The following TENM3 variants were observed in gnomAD, a reference collection of about 807,000 sequenced individuals.
TENM3 encodes teneurin transmembrane protein 3, also known as teneurin-3.
Under a neutral mutation model 255.1 loss-of-function variants are expected in TENM3, and 63 were observed. That is an observed-to-expected ratio of 0.25 (90% CI 0.20 to 0.30). The LOEUF (loss-of-function observed/expected upper bound fraction) is 0.30, where lower values mean the gene tolerates loss of function less well. Ranked by LOEUF, TENM3 falls within the 10% of genes least tolerant of loss-of-function variation. The pLI is 1.00. For missense variants in TENM3, 2,929 were observed against 3,461.1 expected, an observed-to-expected ratio of 0.85 and a Z score of 3.86; for synonymous variants, 1,306 against 1,322.3, an observed-to-expected ratio of 0.99 and a Z score of 0.27.
At chr4:181,634,476 G>A in the TENM3 span, among the ~76,000 whole-genome samples, 3 of 146,812 alleles carry the variant, frequency 2.0e-5, no homozygotes, top group East Asian at 2.0e-4. Context: ...TTTTCACACA[G>A]CATACCTTGC....
intron 1 of TENM3, among the ~76,000 whole-genome samples, chr4:182,210,342 CCCCAA>C (rs1754927734): frequency 6.6e-6 from 1 of 152,078 alleles, no homozygotes; most frequent in South Asian, 2.1e-4. Context: ...CTTCTTTTCC[CCCCAA>C]CCCATTTTAC....
At chr4:181,495,239 T>C in the TENM3 span, among the ~76,000 whole-genome samples, 107 of 152,088 alleles carry the variant, frequency 7.0e-4, no homozygotes, top group African/African-American at 2.2e-3. Context: ...ATTCCAGGAG[T>C]AAGTTAAGTC....
At chr4:182,436,811 A>C (rs530480814) in intron 3 of TENM3, among the ~76,000 whole-genome samples, 1 of 151,966 alleles carries the variant, frequency 6.6e-6, no homozygotes, top group Non-Finnish European at 1.5e-5. Flanking sequence ...TGAGGTCAGG[A>C]GTTCGAGACC....
At chr4:181,901,652 C>CA in the TENM3 span, among the ~76,000 whole-genome samples, 4 of 152,144 alleles carry the variant, frequency 2.6e-5, no homozygotes, top group African/African-American at 9.7e-5. Context: ...GCCCCTAACA[C>CA]ACCCCTCACA....
the TENM3 span, among the ~76,000 whole-genome samples, chr4:181,469,490 T>G: frequency 6.6e-6 from 1 of 152,174 alleles, no homozygotes; most frequent in Non-Finnish European, 1.5e-5. Context: ...CTTATTAACA[T>G]TTTATTTTAG....
At chr4:182,172,612 C>A (rs191156750) in intron 1 of TENM3, among the ~76,000 whole-genome samples, 1 of 152,164 alleles carries the variant, frequency 6.6e-6, no homozygotes, top group Admixed American at 6.5e-5. Flanking sequence ...ATTATTTTGG[C>A]CACTGGCAAT....
At chr4:182,501,929 G>T (rs1218506534) in intron 3 of TENM3, among the ~76,000 whole-genome samples, 2 of 152,192 alleles carry the variant, frequency 1.3e-5, no homozygotes, top group East Asian at 1.9e-4. Context: ...TCTAAGGGAA[G>T]TAAATTTTCT....
intron 26 of TENM3, among the ~76,000 whole-genome samples, chr4:182,795,783 G>A (rs758598978): frequency 3.9e-5 from 6 of 152,192 alleles, no homozygotes; most frequent in African/African-American, 7.2e-5. Context: ...CATCAAAAGA[G>A]AGATGGAACA....
Position 182,752,073 on chromosome 4 carries a change from T to TAA in TENM3, c.3862+55_3862+56dup, listed in dbSNP as rs5864797. ...GATTTGAGGATTTCTTTTTATTTAT[T>TAA]AAAAAAAAAAAAAAAGGGGTTGAAA... On this transcript the variant is annotated intron_variant, in intron 20 of 27. Coordinates refer to ENST00000511685, the MANE Select transcript of TENM3 (RefSeq NM_001080477.4). 0.078 allele frequency: 70,871 copies of TAA among 910,234 alleles called. 362 individuals carry two copies. The highest frequency in any genetic ancestry group is 0.11 in the Admixed American group (3,245 of 29,942). 56.4% of individuals were successfully genotyped at this position (910,234 alleles called of 1,614,324 possible).
intron 3 of TENM3, among the ~76,000 whole-genome samples, chr4:182,576,711 A>T (rs912296093): frequency 9.9e-5 from 15 of 152,088 alleles, no homozygotes; most frequent in African/African-American, 3.1e-4. Context: ...TCGTTTATAC[A>T]CTCAATACAA....
the TENM3 span, among the ~76,000 whole-genome samples, chr4:181,742,988 C>T: frequency 6.6e-6 from 1 of 151,520 alleles, no homozygotes; most frequent in African/African-American, 2.4e-5. Flanking sequence ...CATCCATGTC[C>T]CTACAAAGAA....
chr4:182,379,531 G>A (rs768320998), intron 3 of TENM3, among the ~76,000 whole-genome samples: 3 of 152,142 alleles, frequency 2.0e-5, no homozygotes, highest in African/African-American at 4.8e-5. Context: ...TTTCATGCTC[G>A]TCTGAGACAT....
At chr4:181,590,940 T>C in the TENM3 span, among the ~76,000 whole-genome samples, 1 of 152,218 alleles carries the variant, frequency 6.6e-6, no homozygotes, top group Non-Finnish European at 1.5e-5. Context: ...CATGCTATGA[T>C]GTCTAAAACA....
the TENM3 span, among the ~76,000 whole-genome samples, chr4:181,918,528 G>A: frequency 3.9e-5 from 6 of 152,092 alleles, no homozygotes; most frequent in African/African-American, 1.4e-4. Flanking sequence ...ACTACAATAA[G>A]TTTAAAAGTC....
At chr4:181,551,335 T>A in the TENM3 span, among the ~76,000 whole-genome samples, 1 of 152,184 alleles carries the variant, frequency 6.6e-6, no homozygotes, top group South Asian at 2.1e-4. Flanking sequence ...AGGTCTTACT[T>A]GAAATAAATG....
At position 182,274,043 on chromosome 4, in the gene TENM3, A is replaced by G. The variant is rs147777963; in HGVS notation, c.-76+30567A>G. On this transcript the variant is annotated intron_variant, in intron 1 of 27. Transcript: ENST00000511685. ...GAGAAAGAATCAGCAACAATGTGAA[A>G]GAAACATATAGGGACAGTCTTGCTG... 3.7e-3 allele frequency among the ~76,000 whole-genome samples: 562 copies of G among 152,338 alleles called. 4 individuals are homozygous for G. Among genetic ancestry groups the G allele is most frequent in the South Asian group, 0.02 (97 of 4,826 alleles).
chr4:181,798,412 G>A, the TENM3 span, among the ~76,000 whole-genome samples: 1 of 151,994 alleles, frequency 6.6e-6, no homozygotes, highest in East Asian at 1.9e-4. Context: ...GTGTTCAAGT[G>A]ATTATCCACC....
chr4:181,475,519 G>GT, the TENM3 span, among the ~76,000 whole-genome samples: 1 of 152,164 alleles, frequency 6.6e-6, no homozygotes, highest in Non-Finnish European at 1.5e-5. Flanking sequence ...GATGAGAGGG[G>GT]TTTTAGGTCA....
the TENM3 span, among the ~76,000 whole-genome samples, chr4:181,605,588 A>G: frequency 0.012 from 434 of 37,504 alleles, 42 homozygotes; most frequent in South Asian, 0.037. Flanking sequence ...AAGAAAGGAA[A>G]GAAAGAAAGA....
Sources: gnomAD v4.1 joint callset for allele counts (sites outside exome capture counted in the v4.1 genomes callset) on GRCh38, gnomAD v4.1.1 for gene constraint, MANE v1.5 for transcripts, NCBI Gene and HGNC (gene_info 2026-07-23, HGNC 2026-07-21) for gene names.